Variants in USP42 observed in about 807,000 individuals in gnomAD.
USP42 encodes the protein ubiquitin carboxyl-terminal hydrolase 42.
A neutral mutation model predicts 113.0 loss-of-function variants in USP42; 23 were observed. That is an observed-to-expected ratio of 0.20 (90% CI 0.15 to 0.29). USP42 has a LOEUF of 0.29. USP42 is among the 10% of genes least tolerant of loss of function. The probability of loss-of-function intolerance (pLI) is 1.00; values close to 1 mark genes in which losing one functional copy is unlikely to be tolerated. For missense variants in USP42, 2,174 were observed against 1,779.8 expected (o/e 1.22, Z -3.99); for synonymous variants, 933 against 699.0 (o/e 1.33, Z -5.28).
At chr7:6,085,552 T>C in the USP42 span, among the ~76,000 whole-genome samples, 1 of 149,512 alleles carries the variant, frequency 6.7e-6, no homozygotes, top group Non-Finnish European at 1.5e-5. Context: ...GGACCTGCTG[T>C]ATAATAGTGT....
chr7:6,084,322 C>G, the USP42 span: 3 of 151,472 alleles, frequency 2.0e-5, no homozygotes, highest in Non-Finnish European at 2.9e-5. Context: ...CCACCACACC[C>G]AGCCCTGAAG....
the USP42 span, among the ~76,000 whole-genome samples, chr7:6,090,164 G>A: frequency 1.3e-5 from 2 of 148,650 alleles, no homozygotes; most frequent in Admixed American, 6.7e-5. Context: ...GACAGGCATG[G>A]TGGCGCATGC....
In USP42 at chr7:6,154,732, C is replaced by G. The variant is rs533131980; in HGVS notation, c.3178C>G (p.Arg1060Gly). Reference sequence around the variant, plus strand: ...CGACAGGCCGCGCTGGGACAGGTGCCGGTACTACCATGACAGGTACGCCCT... The same window carrying G: ...CGACAGGCCGCGCTGGGACAGGTGCGGGTACTACCATGACAGGTACGCCCT... ...YPDRPRWDRC[R>G]YYHDRYALYA... is the part of the protein sequence containing the mutation. The change falls in exon 15 of 18, where the codon CGG becomes GGG. Residue 1060 changes from arginine to glycine, a missense_variant. Transcript: ENST00000306177. 24 of 1,583,904 alleles carry G rather than the reference C, an allele frequency of 1.5e-5. No individual in the cohort carries two copies. The highest frequency in any genetic ancestry group is 4.0e-5 in the African/African-American group (3 of 74,250).
the USP42 span, among the ~76,000 whole-genome samples, chr7:6,091,978 T>TTTCTTCTTCTTCTTC: frequency 2.1e-4 from 14 of 67,928 alleles, no homozygotes; most frequent in East Asian, 1.3e-3. Flanking sequence ...GGACGTATTT[T>TTTCTTCTTCTTCTTC]TTCTTCTTCT....
intron 2 of USP42, chr7:6,111,987 G>A (rs1239914594): frequency 1.3e-5 from 2 of 152,158 alleles, no homozygotes; most frequent in Non-Finnish European, 2.9e-5. Flanking sequence ...ATAATAACTT[G>A]TTAACCAGTA....
chr7:6,150,347 T>A, intron 13 of USP42, 45 bp downstream of exon 13: 1 of 1,607,634 alleles, frequency 6.2e-7, no homozygotes, highest in Non-Finnish European at 8.5e-7. Context: ...GGCGGTTCCC[T>A]TGGCTGGATT....
At chr7:6,144,605 C>G (rs1427579597) in intron 9 of USP42, among the ~76,000 whole-genome samples, 1 of 152,170 alleles carries the variant, frequency 6.6e-6, no homozygotes, top group African/African-American at 2.4e-5. Context: ...TGTGGTGGCT[C>G]ACGCCCGTAA....
chr7:6,143,440 G>A (rs867942024), intron 8 of USP42, among the ~76,000 whole-genome samples: 2 of 152,028 alleles, frequency 1.3e-5, no homozygotes, highest in African/African-American at 4.8e-5. Context: ...GGGTTCCCAG[G>A]GTTTGGGATA....
Position 6,154,350 on chromosome 7 carries a change from C to T in USP42, c.2796C>T (p.Ala932=), listed in dbSNP as rs550444398. 1 of 1,573,534 alleles carries T rather than the reference C, an allele frequency of 6.4e-7. No individual in the cohort carries two copies. Among genetic ancestry groups the T allele is most frequent in the African/African-American group, 1.4e-5 (1 of 73,948 alleles). ...ERVEDAAAPK[A]PGPSPAKEKI... ...TCGAGGACGCCGCGGCGCCGAAAGC[C>T]CCAGGCCCTTCCCCAGCGAAGGAGA... The change falls in exon 15 of 18, where the codon GCC becomes GCT. Residue 932 remains alanine, a synonymous_variant. Coordinates refer to ENST00000306177, the MANE Select transcript of USP42 (RefSeq NM_032172.3).
At position 6,144,112 on chromosome 7, in the gene USP42, G is replaced by A; in HGVS notation, c.906G>A (p.Lys302=). 5 of 1,576,910 alleles carry A rather than the reference G, an allele frequency of 3.2e-6. No homozygotes were observed. The highest frequency in any genetic ancestry group is 4.3e-6 in the Non-Finnish European group (5 of 1,168,418). ...SKCKKMVPAS[K]RFTIHRSSNV... ...GTAAAAAGATGGTTCCAGCTTCAAAGAGGTTCACTATCCATAGATCCTCTA... is the reference window on the plus strand; with the variant it reads ...GTAAAAAGATGGTTCCAGCTTCAAAAAGGTTCACTATCCATAGATCCTCTA... Residue 302 remains lysine, a synonymous_variant, in exon 9 of 18, where the codon AAG becomes AAA. Coordinates refer to ENST00000306177, the MANE Select transcript of USP42 (RefSeq NM_032172.3).
the USP42 span, among the ~76,000 whole-genome samples, chr7:6,086,391 G>A: frequency 1.3e-5 from 2 of 150,668 alleles, no homozygotes; most frequent in Admixed American, 1.3e-4. Flanking sequence ...ATTTTTAATA[G>A]AGATAGGATT....
intron 3 of USP42, among the ~76,000 whole-genome samples, chr7:6,117,219 G>A (rs955534961): frequency 1.3e-5 from 2 of 151,814 alleles, no homozygotes; most frequent in South Asian, 2.1e-4. Flanking sequence ...CCTCCTGCCC[G>A]GCAACCACTG....
the USP42 span, among the ~76,000 whole-genome samples, chr7:6,085,854 C>G: frequency 2.0e-5 from 3 of 150,674 alleles, no homozygotes; most frequent in East Asian, 5.8e-4. Context: ...ACCTTGTGAT[C>G]TGCCCGCCTT....
In USP42 at chr7:6,119,998, C is replaced by A. The variant is rs530966788; in HGVS notation, c.442+4475C>A. Among the ~76,000 whole-genome samples, 3 of 152,304 alleles carry A rather than the reference C, an allele frequency of 2.0e-5. No individual in the cohort carries two copies. The South Asian group carries it at 6.2e-4, about 32-fold the overall frequency. On this transcript the variant is annotated intron_variant, in intron 3 of 17. Coordinates refer to ENST00000306177, the MANE Select transcript of USP42 (RefSeq NM_032172.3). Reference sequence around the variant, plus strand: ...TTTTGTTTTTTGAGACGGAGTCTCGCTCTGCCGCCCGGGCTGGAGTGCAGT... The same window carrying A: ...TTTTGTTTTTTGAGACGGAGTCTCGATCTGCCGCCCGGGCTGGAGTGCAGT...
intron 4 of USP42, among the ~76,000 whole-genome samples, chr7:6,138,555 C>T (rs1414786151): frequency 1.3e-5 from 2 of 152,170 alleles, no homozygotes; most frequent in Non-Finnish European, 2.9e-5. Context: ...CTCAGAAACT[C>T]TAGCTGCTGT....
the USP42 span, among the ~76,000 whole-genome samples, chr7:6,090,005 G>A: frequency 6.1e-5 from 9 of 146,352 alleles, no homozygotes; most frequent in Non-Finnish European, 1.3e-4. Context: ...TGTCTCAAAA[G>A]ATATATATAT....
intron 3 of USP42, chr7:6,116,953 A>G: frequency 2.1e-6 from 1 of 475,050 alleles, no homozygotes. Context: ...CCTATCTTTT[A>G]TGCTACTGGT....
At chr7:6,144,251 G>T (rs867243908) in intron 9 of USP42, 55 bp downstream of exon 9, 2 of 1,211,644 alleles carry the variant, frequency 1.7e-6, no homozygotes, top group Non-Finnish European at 2.3e-6. Context: ...GAAGCTTAAC[G>T]TGTCTGTAGC....
In USP42 at chr7:6,139,985, C is replaced by T; in HGVS notation, c.657-143C>T. The T allele has an allele frequency of 1.3e-6, 1 of 798,078 alleles. No individual in the cohort carries two copies. The highest frequency in any genetic ancestry group is 2.3e-4 in the Middle Eastern group (1 of 4,414). The allele number at this position is 798,078 out of a possible 1,614,324, so 49.4% of individuals were successfully genotyped here. On this transcript the variant is annotated intron_variant, in intron 5 of 17. Transcript: ENST00000306177. This position sits in a 1 kb window ranked among gnomAD's most constrained non-coding sequence, Gnocchi z 4.5. ...CCAGGAAGGGATGCTCTTGGGCTGC[C>T]ACACGTGCCATCCTTTTATTTTCCA... is the stretch of plus-strand genomic sequence containing the variant.
Sources: gnomAD v4.1 joint callset for allele counts (sites outside exome capture counted in the v4.1 genomes callset) on GRCh38, gnomAD v4.1.1 for gene constraint, Gnocchi (gnomAD v3.1) non-coding constraint, MANE v1.5 for transcripts, NCBI Gene and HGNC (gene_info 2026-07-23, HGNC 2026-07-21) for gene names.